The following WWC2 variants were observed in gnomAD, a reference collection of about 807,000 sequenced individuals.
The protein encoded by WWC2 is protein WWC2.
A neutral mutation model predicts 138.5 loss-of-function variants in WWC2; 101 were observed. The ratio of observed to expected loss-of-function variants is 0.73; its 90% CI spans 0.62 to 0.86. The LOEUF (loss-of-function observed/expected upper bound fraction) is 0.86, where lower values mean the gene tolerates loss of function less well. Among genes scored for constraint, WWC2 ranks in the 40% least tolerant of loss-of-function variants. The probability of loss-of-function intolerance (pLI) is 0.00; values close to 1 mark genes in which losing one functional copy is unlikely to be tolerated. For synonymous variants in WWC2, 558 were observed against 538.4 expected (o/e 1.04, Z -0.50); for missense variants, 1,420 against 1,419.4 (o/e 1.00, Z -0.01).
intron 1 of WWC2, among the ~76,000 whole-genome samples, chr4:183,172,853 C>G (rs945447438): frequency 6.6e-6 from 1 of 151,998 alleles, no homozygotes; most frequent in Non-Finnish European, 1.5e-5. Flanking sequence ...TATTAGACCT[C>G]CTAGATTGGT....
intron 7 of WWC2, among the ~76,000 whole-genome samples, chr4:183,249,627 A>C (rs1736909608): frequency 6.6e-6 from 1 of 152,234 alleles, no homozygotes; most frequent in Admixed American, 6.5e-5. Flanking sequence ...ATAAACTCTG[A>C]GATACCAGAC....
At chr4:183,191,117 T>C (rs1302458036) in intron 1 of WWC2, among the ~76,000 whole-genome samples, 2 of 152,074 alleles carry the variant, frequency 1.3e-5, no homozygotes, top group Non-Finnish European at 2.9e-5. Flanking sequence ...AGTTGCTTTA[T>C]TGAGGTAGTC....
intron 1 of WWC2, among the ~76,000 whole-genome samples, chr4:183,123,746 C>G (rs1732675358): frequency 6.6e-6 from 1 of 151,992 alleles, no homozygotes. Flanking sequence ...TGCCTTTTCA[C>G]TATACAGAGA....
intron 21 of WWC2, among the ~76,000 whole-genome samples, chr4:183,303,688 G>A (rs1161465234): frequency 6.6e-6 from 1 of 152,088 alleles, no homozygotes; most frequent in Non-Finnish European, 1.5e-5. Flanking sequence ...ACATAAATTT[G>A]GATTTTATAT....
chr4:183,134,307 G>A (rs1354206291), intron 1 of WWC2, among the ~76,000 whole-genome samples: 1 of 150,154 alleles, frequency 6.7e-6, no homozygotes. Context: ...CTTCTACTTT[G>A]GGTTGATTTT....
At chr4:183,176,403 A>G (rs1226730225) in intron 1 of WWC2, among the ~76,000 whole-genome samples, 1 of 152,070 alleles carries the variant, frequency 6.6e-6, no homozygotes, top group Non-Finnish European at 1.5e-5. Context: ...CAGGGCCAGA[A>G]TAAGGAGATT....
chr4:183,312,284 C>T (rs1247512172), intron 21 of WWC2, 57 bp from the exon 22 acceptor site: 11 of 1,594,930 alleles, frequency 6.9e-6, no homozygotes, highest in Non-Finnish European at 9.4e-6. Context: ...TAGGATGTCT[C>T]CAGGGATTTC....
chr4:183,251,802 G>A (rs907744276), intron 8 of WWC2, among the ~76,000 whole-genome samples: 2 of 152,202 alleles, frequency 1.3e-5, no homozygotes, highest in Non-Finnish European at 2.9e-5. Context: ...TTATGCATAT[G>A]TTGAAAATGC....
intron 2 of WWC2, among the ~76,000 whole-genome samples, chr4:183,198,379 G>A (rs1222416951): frequency 6.6e-6 from 1 of 151,952 alleles, no homozygotes; most frequent in Non-Finnish European, 1.5e-5. Context: ...CATATACACA[G>A]TTTCTTAAAA....
At chr4:183,116,371 C>T (rs774097704) in intron 1 of WWC2, among the ~76,000 whole-genome samples, 9 of 152,306 alleles carry the variant, frequency 5.9e-5, no homozygotes, top group East Asian at 3.9e-4. Flanking sequence ...TTCCAATGCT[C>T]AGCTTTGTGC....
intron 14 of WWC2, among the ~76,000 whole-genome samples, chr4:183,266,864 CTT>C (rs1322996313): frequency 1.3e-5 from 2 of 152,142 alleles, no homozygotes; most frequent in Non-Finnish European, 2.9e-5. Flanking sequence ...AGTGATAAGA[CTT>C]TTAATAGAAT....
chr4:183,116,251 G>A (rs1275505434), intron 1 of WWC2, among the ~76,000 whole-genome samples: 4 of 152,076 alleles, frequency 2.6e-5, no homozygotes, highest in Admixed American at 1.3e-4. Flanking sequence ...TCACCACTGT[G>A]CTAAAGATGA....
At position 183,099,636 on chromosome 4, in the gene WWC2, G is replaced by A. The variant is rs771480802; in HGVS notation, c.131+14G>A. On this transcript the variant is annotated intron_variant, in intron 1 of 22. Transcript: ENST00000403733. ...CCCCCGGGACAGGTGGGCGCCGGCC[G>A]CGGGGGCGCGGGCCCGTTCGGACAC... 3 of 1,318,882 alleles carry A rather than the reference G, an allele frequency of 2.3e-6. No individual in the cohort carries two copies. The highest frequency in any genetic ancestry group is 2.0e-6 in the Non-Finnish European group (2 of 1,017,148). The allele number at this position is 1,318,882 out of a possible 1,614,324, so 81.7% of individuals were successfully genotyped here.
chr4:183,271,102 C>T lies in WWC2; in HGVS notation c.2423C>T (p.Ala808Val), dbSNP rs749248300. ...ECLAGTQISL[A>V]DLPFSSEVFT... ...TAGGCTGGAACTCAGATCAGCCTGG[C>T]AGATTTACCATTTTCCAGTGAGGTT... is the stretch of plus-strand genomic sequence containing the variant. The change falls in exon 16 of 23, where the codon GCA (alanine) becomes GTA (valine). Residue 808 changes from alanine to valine, a missense_variant. Physicochemically the swap from Ala to Val is moderately conservative, Grantham distance 64. Transcript: ENST00000403733. The T allele has an allele frequency of 8.1e-6, 13 of 1,603,304 alleles. 1 individual carries two copies. In the South Asian group the frequency reaches 1.2e-4, roughly 15 times the overall value.
At chr4:183,133,742 A>G (rs1579971894) in intron 1 of WWC2, among the ~76,000 whole-genome samples, 2 of 152,006 alleles carry the variant, frequency 1.3e-5, no homozygotes, top group Admixed American at 1.3e-4. Context: ...TGATCTGCCC[A>G]CCTTGGCCTC....
intron 1 of WWC2, among the ~76,000 whole-genome samples, chr4:183,183,110 C>T (rs1734685536): frequency 6.6e-6 from 1 of 152,098 alleles, no homozygotes; most frequent in Non-Finnish European, 1.5e-5. Flanking sequence ...GGAGGTGGGA[C>T]AAGATTCATG....
At chr4:183,252,214 A>C (rs1255771320) in intron 8 of WWC2, among the ~76,000 whole-genome samples, 5 of 152,214 alleles carry the variant, frequency 3.3e-5, no homozygotes, top group Admixed American at 2.6e-4. Context: ...TGAAAATGGG[A>C]AAGTATTTCT....
chr4:183,099,554 C>G lies in WWC2; in HGVS notation c.63C>G (p.Asp21Glu), dbSNP rs372057525. Residue 21 changes from aspartate (D) to glutamate (E), a missense_variant, in exon 1 of 23, where the codon GAC becomes GAG. Transcript: ENST00000403733. ...PLPRGWEEAR[D>E]YDGKVFYIDH... ...CCCGGGGCTGGGAGGAGGCCAGGGA[C>G]TACGACGGCAAGGTCTTCTACATTG... 4 of 1,422,810 alleles carry G rather than the reference C, an allele frequency of 2.8e-6. No individual in the cohort carries two copies. Among genetic ancestry groups the G allele is most frequent in the South Asian group, 2.8e-5 (2 of 70,816 alleles). 88.1% of individuals were successfully genotyped at this position (1,422,810 alleles called of 1,614,324 possible). A position where few individuals can be genotyped will look rare whatever the true frequency, so the allele number is the denominator to read the frequency against.
chr4:183,193,476 T>C, intron 1 of WWC2, 123 bp from the exon 2 acceptor site: 1 of 814,618 alleles, frequency 1.2e-6, no homozygotes, highest in Non-Finnish European at 2.0e-6. Flanking sequence ...TATTTTATCC[T>C]TGGTTTTTTT....
Sources: allele counts gnomAD v4.1 joint callset (sites outside exome capture counted in the v4.1 genomes callset), GRCh38; gene constraint gnomAD v4.1.1; transcripts MANE v1.5; gene names NCBI Gene and HGNC (gene_info 2026-07-23, HGNC 2026-07-21).